The following LAP3 variants were observed in gnomAD, a reference collection of about 807,000 sequenced individuals.
LAP3 encodes the protein leucine aminopeptidase 3.
In LAP3, 46 loss-of-function variants were observed where a neutral mutation model predicts 58.8. The observed-to-expected ratio is 0.78, with a 90% CI of 0.62 to 1.00. LAP3 has a LOEUF of 1.00. Ranked by LOEUF, LAP3 falls within the 50% of genes least tolerant of loss-of-function variation. The probability of loss-of-function intolerance (pLI) is 0.00; values close to 1 mark genes in which losing one functional copy is unlikely to be tolerated. For synonymous variants in LAP3, 257 were observed against 237.7 expected, an observed-to-expected ratio of 1.08 and a Z score of -0.75; for missense variants, 615 against 659.1, an observed-to-expected ratio of 0.93 and a Z score of 0.73.
At position 17,577,290 on chromosome 4, in the gene LAP3, C is replaced by A. The variant is rs1713219629; in HGVS notation, c.-176C>A. 4 of 179,458 alleles carry A rather than the reference C, an allele frequency of 2.2e-5. No homozygotes were observed. Among genetic ancestry groups the A allele is most frequent in the Admixed American group, 3.9e-4 (2 of 5,148 alleles). 11.1% of individuals were successfully genotyped at this position (179,458 alleles called of 1,614,324 possible). ...ACAACCGCGGTTTGATCCCAGCGGT[C>A]CAGTCGGCCGGTGCTGCCCATCCGT... On this transcript the variant is annotated 5_prime_UTR_variant, in exon 1 of 13. Transcript: ENST00000226299.
intron 10 of LAP3, 100 bp downstream of exon 10, chr4:17,598,658 C>T (rs934308265): frequency 1.2e-6 from 1 of 828,090 alleles, no homozygotes; most frequent in Admixed American, 2.1e-5. Flanking sequence ...TAAAATTTGG[C>T]TTGGTCCATT....
rs143346679 is a variant in LAP3 at position 17,588,933 on chromosome 4, C to G, written c.819C>G (p.Asn273Lys). The G allele has an allele frequency of 6.2e-7, 1 of 1,614,174 alleles. No homozygotes were observed. Among genetic ancestry groups the G allele is most frequent in the Non-Finnish European group, 8.5e-7 (1 of 1,180,038 alleles). ...EIHYKGSPNA[N>K]EPPLVFVGKG... Reference sequence around the variant, plus strand: ...ACTACAAAGGCAGCCCCAATGCAAACGAACCACCCCTGGTGTTTGTTGGGA... The same window carrying G: ...ACTACAAAGGCAGCCCCAATGCAAAGGAACCACCCCTGGTGTTTGTTGGGA... Residue 273 changes from asparagine to lysine, a missense_variant, in exon 7 of 13, where the codon AAC becomes AAG. Coordinates refer to ENST00000226299, the MANE Select transcript of LAP3 (RefSeq NM_015907.3).
At chr4:17,602,017 A>G (rs1202069023) in intron 10 of LAP3, among the ~76,000 whole-genome samples, 2 of 152,168 alleles carry the variant, frequency 1.3e-5, no homozygotes, top group Non-Finnish European at 2.9e-5. Context: ...TTTCATGTAA[A>G]GACATGGTTA....
At chr4:17,593,749 A>C (rs781005399) in intron 7 of LAP3, among the ~76,000 whole-genome samples, 19 of 150,308 alleles carry the variant, frequency 1.3e-4, no homozygotes, top group Non-Finnish European at 2.7e-4. Flanking sequence ...AGTAGCTGGG[A>C]CTACAGATGC....
rs972308255 is a variant in LAP3, at chr4:17,577,362, C to A, written c.-104C>A. 5 of 837,438 alleles carry A rather than the reference C, an allele frequency of 6.0e-6. No homozygotes were observed. The Admixed American group carries it at 2.0e-4, about 33-fold the overall frequency. 51.9% of individuals were successfully genotyped at this position (837,438 alleles called of 1,614,324 possible). A position where few individuals can be genotyped will look rare whatever the true frequency, so the allele number is the denominator to read the frequency against. ...CGCTCGCCCGGCGCCCGAGCCAGTC[C>A]GCGCGCACGCCGTCTGCGCCCCGAA... On this transcript the variant is annotated 5_prime_UTR_variant, in exon 1 of 13. Transcript: ENST00000226299.
chr4:17,577,531 C>A lies in LAP3; in HGVS notation c.66C>A (p.Phe22Leu). ...TCCGACGTCTGGCCGTGAGACGTTT[C>A]GGGAGCCGGAGTCTCTCCACCGCAG... ...VVVRRLAVRR[F>L]GSRSLSTADM... Residue 22 changes from phenylalanine to leucine, a missense_variant, in exon 1 of 13, where the codon TTC becomes TTA. Phe to Leu is a conservative substitution (Grantham distance 22). Coordinates refer to ENST00000226299, the MANE Select transcript of LAP3 (RefSeq NM_015907.3). The A allele has an allele frequency of 6.3e-7, 1 of 1,578,336 alleles. No homozygotes were observed. The highest frequency in any genetic ancestry group is 8.6e-7 in the Non-Finnish European group (1 of 1,163,682).
At chr4:17,582,458 C>A in intron 4 of LAP3, 65 bp downstream of exon 4, 1 of 1,264,194 alleles carries the variant, frequency 7.9e-7, no homozygotes, top group Non-Finnish European at 1.1e-6. Context: ...CTCTCTTTCC[C>A]CTTTTTGTCC....
At chr4:17,598,670 G>T in intron 10 of LAP3, 112 bp downstream of exon 10, 1 of 695,818 alleles carries the variant, frequency 1.4e-6, no homozygotes. Flanking sequence ...TGGTCCATTG[G>T]CATTCAAAGA....
At chr4:17,602,388 C>T (rs2109023927) in intron 10 of LAP3, among the ~76,000 whole-genome samples, 1 of 152,232 alleles carries the variant, frequency 6.6e-6, no homozygotes, top group South Asian at 2.1e-4. Flanking sequence ...AGTGGCTGTA[C>T]CTGATTGTCT....
chr4:17,580,182 G>GTGTATATATATATATATA (rs1230041457), intron 2 of LAP3, among the ~76,000 whole-genome samples: 7 of 31,042 alleles, frequency 2.3e-4, no homozygotes, highest in Non-Finnish European at 2.9e-4. Context: ...ATATATATAT[G>GTGTATATATATATATATA]TATTTTTTTT....
intron 4 of LAP3, 164 bp downstream of exon 4, chr4:17,582,557 TTA>T (rs1713392911): frequency 3.3e-6 from 2 of 601,592 alleles, no homozygotes; most frequent in African/African-American, 3.7e-5. Flanking sequence ...ATGGTTGGCC[TTA>T]TGATAAATAC....
Position 17,577,268 on chromosome 4 carries a change from A to C in LAP3, c.-198A>C, listed in dbSNP as rs10939735. 8 of 400,312 alleles carry C rather than the reference A, an allele frequency of 2.0e-5. No individual in the cohort carries two copies. The highest frequency in any genetic ancestry group is 2.2e-5 in the Non-Finnish European group (5 of 222,620). 24.8% of individuals were successfully genotyped at this position (400,312 alleles called of 1,614,324 possible). On this transcript the variant is annotated 5_prime_UTR_variant, in exon 1 of 13. Transcript: ENST00000226299. Reference sequence around the variant, plus strand: ...GGCGCACCCTTGAGTCCCCTCCACAACCGCGGTTTGATCCCAGCGGTCCAG... The same window carrying C: ...GGCGCACCCTTGAGTCCCCTCCACACCCGCGGTTTGATCCCAGCGGTCCAG...
chr4:17,590,480 C>G (rs757614778), intron 7 of LAP3, among the ~76,000 whole-genome samples: 4 of 152,144 alleles, frequency 2.6e-5, no homozygotes, highest in Non-Finnish European at 5.9e-5. Context: ...TATAGCCCAT[C>G]AGTAAAAGAT....
intron 10 of LAP3, among the ~76,000 whole-genome samples, chr4:17,603,170 G>A (rs1407727082): frequency 6.6e-6 from 1 of 151,664 alleles, no homozygotes; most frequent in Non-Finnish European, 1.5e-5. Flanking sequence ...TTAACCAGGT[G>A]TGGTGGCATG....
At chr4:17,579,490 A>G (rs1713293699) in intron 1 of LAP3, among the ~76,000 whole-genome samples, 1 of 152,216 alleles carries the variant, frequency 6.6e-6, no homozygotes, top group Non-Finnish European at 1.5e-5. Context: ...GAATCCTTTC[A>G]GGGTCTATCT....
In LAP3 at chr4:17,600,990, T is replaced by C. The variant is rs557081433; in HGVS notation, c.1180+2432T>C. On this transcript the variant is annotated intron_variant, in intron 10 of 12. Transcript: ENST00000226299. The stretch of plus-strand genomic sequence containing the variant: ...TCATAGACACTGAAACAGATGTTAC[T>C]GTCCTTTGCCTTTGAAAGGCAGGCC... Among the ~76,000 whole-genome samples the C allele has an allele frequency of 4.6e-5, 7 of 152,360 alleles. No homozygotes were observed. In the South Asian group the frequency reaches 1.5e-3, roughly 32 times the overall value.
intron 2 of LAP3, among the ~76,000 whole-genome samples, chr4:17,581,195 C>T (rs1326655870): frequency 6.6e-6 from 1 of 152,176 alleles, no homozygotes; most frequent in African/African-American, 2.4e-5. Flanking sequence ...GTGGAGAAAC[C>T]ACATAGATAT....
At chr4:17,588,478 A>C (rs745890266) in intron 6 of LAP3, among the ~76,000 whole-genome samples, 2 of 152,150 alleles carry the variant, frequency 1.3e-5, no homozygotes, top group Non-Finnish European at 2.9e-5. Context: ...AATTGTAGAA[A>C]TATCTGAGTA....
chr4:17,606,505 A>G (rs977260257), intron 11 of LAP3, among the ~76,000 whole-genome samples: 1 of 151,818 alleles, frequency 6.6e-6, no homozygotes, highest in African/African-American at 2.4e-5. Flanking sequence ...CGCCCAGCTA[A>G]TTTTTTGCAT....
Sources: gnomAD v4.1 joint callset for allele counts (sites outside exome capture counted in the v4.1 genomes callset) on GRCh38, gnomAD v4.1.1 for gene constraint, MANE v1.5 for transcripts, NCBI Gene and HGNC (gene_info 2026-07-23, HGNC 2026-07-21) for gene names.